WSCD2: variants seen among roughly 807,000 people sequenced by gnomAD.
The protein encoded by WSCD2 is WSC domain sialate O sulfotransferase 2.
WSCD2 carries 28 observed loss-of-function variants against 55.7 expected under a neutral mutation model. The observed-to-expected ratio is 0.50, with a 90% CI of 0.37 to 0.69. The LOEUF is 0.69. Among genes scored for constraint, WSCD2 ranks in the 30% least tolerant of loss-of-function variants. The pLI is 0.00. For missense variants in WSCD2, 616 were observed against 762.1 expected (o/e 0.81, Z 2.26); for synonymous variants, 301 against 301.9 (o/e 1.00, Z 0.03).
At chr12:108,170,988 A>G (rs959056412) in intron 1 of WSCD2, among the ~76,000 whole-genome samples, 1 of 152,182 alleles carries the variant, frequency 6.6e-6, no homozygotes, top group Non-Finnish European at 1.5e-5. Flanking sequence ...AGAGCATACA[A>G]AGCCCTCAGC....
chr12:108,197,840 C>T (rs1006511776), intron 2 of WSCD2, among the ~76,000 whole-genome samples: 4 of 151,446 alleles, frequency 2.6e-5, no homozygotes, highest in Non-Finnish European at 4.4e-5. Context: ...ACCCCACTCC[C>T]CTCACCATGC....
At chr12:108,143,313 C>T (rs747745898) in intron 1 of WSCD2, among the ~76,000 whole-genome samples, 3 of 152,144 alleles carry the variant, frequency 2.0e-5, no homozygotes, top group South Asian at 2.1e-4. Flanking sequence ...GGGAAATGAT[C>T]GCTGCTGTTT....
At chr12:108,234,431 G>C (rs982252563) in intron 7 of WSCD2, among the ~76,000 whole-genome samples, 3 of 152,336 alleles carry the variant, frequency 2.0e-5, no homozygotes, top group South Asian at 4.1e-4. Flanking sequence ...AGTTGGCAAC[G>C]GGTCAGGCAG....
rs538179426 is a variant in WSCD2 at position 108,232,710 on chromosome 12, T to C, written c.980-21T>C. ...CATCTGCCCCTGGTGTTGACCTCTG[T>C]CCATGCTCCGCCCTTTTCAGACAAC... is the stretch of plus-strand genomic sequence containing the variant. On this transcript the variant is annotated intron_variant, in intron 6 of 8. Transcript: ENST00000547525. 4 of 1,597,096 alleles carry C rather than the reference T, an allele frequency of 2.5e-6. No individual in the cohort carries two copies. In the African/African-American group the frequency reaches 5.4e-5, roughly 21 times the overall value.
intron 1 of WSCD2, among the ~76,000 whole-genome samples, chr12:108,193,735 C>G (rs1177814566): frequency 6.6e-6 from 1 of 151,974 alleles, no homozygotes; most frequent in Non-Finnish European, 1.5e-5. Flanking sequence ...GGCTTAATGA[C>G]TGGATGGGTA....
chr12:108,138,306 A>C (rs1876432986), intron 1 of WSCD2, among the ~76,000 whole-genome samples: 1 of 152,212 alleles, frequency 6.6e-6, no homozygotes, highest in Admixed American at 6.5e-5. Context: ...ATACGATGGC[A>C]TCTTCATACA....
chr12:108,173,902 G>C (rs1880525168), intron 1 of WSCD2, among the ~76,000 whole-genome samples: 1 of 150,156 alleles, frequency 6.7e-6, no homozygotes, highest in South Asian at 2.1e-4. Flanking sequence ...CGGGTGATCT[G>C]GCATAAATTC....
At chr12:108,196,790 A>C (rs1001029602) in intron 2 of WSCD2, 1 of 152,404 alleles carries the variant, frequency 6.6e-6, no homozygotes, top group Non-Finnish European at 1.5e-5. Context: ...GATAGATTTC[A>C]TTGCATTTTC....
chr12:108,174,481 C>G (rs938954809), intron 1 of WSCD2, among the ~76,000 whole-genome samples: 1 of 152,078 alleles, frequency 6.6e-6, no homozygotes. Flanking sequence ...TACATGAGTC[C>G]CCACATGGTA....
chr12:108,225,924 A>T (rs1227255851), intron 5 of WSCD2, among the ~76,000 whole-genome samples: 3 of 152,170 alleles, frequency 2.0e-5, no homozygotes, highest in Non-Finnish European at 4.4e-5. Flanking sequence ...AGAGTAGTTG[A>T]GGGTAGAGAG....
intron 2 of WSCD2, among the ~76,000 whole-genome samples, chr12:108,203,669 A>C (rs1312033383): frequency 1.3e-5 from 2 of 152,178 alleles, no homozygotes; most frequent in Non-Finnish European, 2.9e-5. Context: ...GCCCACATAC[A>C]TCTTTACTCC....
chr12:108,211,486 A>T (rs1025974550), intron 4 of WSCD2, among the ~76,000 whole-genome samples: 2 of 151,860 alleles, frequency 1.3e-5, no homozygotes, highest in Non-Finnish European at 2.9e-5. Context: ...TCTCGTCCAG[A>T]ATGTAGTCCT....
rs754737607 is a variant in WSCD2 at position 108,210,341 on chromosome 12, T to A, written c.682+36T>A. On this transcript the variant is annotated intron_variant, in intron 4 of 8. Transcript: ENST00000547525. The surrounding 1 kb of genome is among the most constrained non-coding windows in gnomAD (Gnocchi z 4.3). ...CTGCCCTGCCCCTCTCTGCTGCTCC[T>A]CCCTCAGCTGCAGCCCTTGCCCACC... The A allele has an allele frequency of 5.9e-6, 9 of 1,532,506 alleles. No individual in the cohort carries two copies. The highest frequency in any genetic ancestry group is 4.9e-5 in the South Asian group (4 of 82,026). 94.9% of individuals were successfully genotyped at this position (1,532,506 alleles called of 1,614,324 possible).
chr12:108,143,241 G>T (rs564288543), intron 1 of WSCD2, among the ~76,000 whole-genome samples: 113 of 152,326 alleles, frequency 7.4e-4, no homozygotes, highest in African/African-American at 2.5e-3. Flanking sequence ...GCATCTGAAA[G>T]CCCAGTTCCA....
chr12:108,160,080 G>A (rs1878912407), intron 1 of WSCD2, among the ~76,000 whole-genome samples: 1 of 152,164 alleles, frequency 6.6e-6, no homozygotes, highest in Non-Finnish European at 1.5e-5. Context: ...GCTGGATGAG[G>A]GGTGTGGCTG....
intron 1 of WSCD2, among the ~76,000 whole-genome samples, chr12:108,155,476 G>A (rs1421037760): frequency 6.6e-6 from 1 of 152,180 alleles, no homozygotes; most frequent in Non-Finnish European, 1.5e-5. Flanking sequence ...ACTGACAGAA[G>A]AAATGGCAGT....
intron 8 of WSCD2, among the ~76,000 whole-genome samples, chr12:108,242,176 T>C (rs1008069306): frequency 3.3e-5 from 5 of 152,166 alleles, no homozygotes; most frequent in African/African-American, 9.7e-5. Context: ...AATTCACCCA[T>C]AACACCCTCA....
intron 4 of WSCD2, among the ~76,000 whole-genome samples, chr12:108,220,039 G>GA (rs1263118892): frequency 6.6e-6 from 1 of 152,212 alleles, no homozygotes; most frequent in East Asian, 1.9e-4. Context: ...GTGGGAGAGA[G>GA]AAAATCAATG....
chr12:108,206,226 C>A, intron 2 of WSCD2, 63 bp from the exon 3 acceptor site: 1 of 1,376,476 alleles, frequency 7.3e-7, no homozygotes, highest in Non-Finnish European at 1.0e-6. Context: ...ATTGGTGAGG[C>A]TTCCTCCTGT....
Sources: allele counts gnomAD v4.1 joint callset (sites outside exome capture counted in the v4.1 genomes callset), GRCh38; gene constraint gnomAD v4.1.1; non-coding constraint Gnocchi (gnomAD v3.1); transcripts MANE v1.5; gene names NCBI Gene and HGNC (gene_info 2026-07-23, HGNC 2026-07-21).